PTPRK: variants seen among roughly 807,000 people sequenced by gnomAD.
The protein encoded by PTPRK is protein tyrosine phosphatase receptor type K.
Under a neutral mutation model 178.0 loss-of-function variants are expected in PTPRK, and 75 were observed. That is an observed-to-expected ratio of 0.42 (90% CI 0.35 to 0.51). The LOEUF (loss-of-function observed/expected upper bound fraction) is 0.51. Among genes scored for constraint, PTPRK ranks in the 20% least tolerant of loss-of-function variants. The pLI, the probability that PTPRK is intolerant of heterozygous loss-of-function variation, is 0.02. For synonymous variants in PTPRK, 637 were observed against 620.6 expected (o/e 1.03, Z -0.39); for missense variants, 1,441 against 1,797.8 (o/e 0.80, Z 3.59).
chr6:127,987,150 G>T (rs1290329271), intron 21 of PTPRK, among the ~76,000 whole-genome samples: 3 of 150,940 alleles, frequency 2.0e-5, no homozygotes, highest in Non-Finnish European at 4.4e-5. Context: ...TATAGGGTTT[G>T]CTCTTTTTAG....
chr6:128,337,201 TGTTAG>T (rs1056950033), intron 2 of PTPRK, among the ~76,000 whole-genome samples: 5 of 152,266 alleles, frequency 3.3e-5, no homozygotes, highest in African/African-American at 1.2e-4. Context: ...ACTTTGTATT[TGTTAG>T]AATGTGTAGA....
chr6:128,395,744 G>A (rs957812836), intron 2 of PTPRK, among the ~76,000 whole-genome samples: 1 of 152,066 alleles, frequency 6.6e-6, no homozygotes, highest in Non-Finnish European at 1.5e-5. Context: ...GACAAAGTAG[G>A]GGTCAAATAT....
intron 7 of PTPRK, among the ~76,000 whole-genome samples, chr6:128,163,152 G>T (rs1173959784): frequency 6.6e-6 from 1 of 151,112 alleles, no homozygotes; most frequent in Non-Finnish European, 1.5e-5. Flanking sequence ...GCTTAAATTA[G>T]TTAACAATTT....
intron 7 of PTPRK, among the ~76,000 whole-genome samples, chr6:128,109,890 GTA>G (rs1285335822): frequency 4.6e-5 from 7 of 151,982 alleles, no homozygotes; most frequent in Admixed American, 4.6e-4. Context: ...TAAAGCAAGT[GTA>G]TACACACTAC....
intron 3 of PTPRK, among the ~76,000 whole-genome samples, chr6:128,310,880 C>T (rs1827145621): frequency 6.6e-6 from 1 of 152,096 alleles, no homozygotes; most frequent in Non-Finnish European, 1.5e-5. Flanking sequence ...CGACTTGGAA[C>T]CACTTGGTAC....
chr6:128,076,277 T>C lies in PTPRK; in HGVS notation c.1883+2536A>G, dbSNP rs545067130. ...GCACTGGATCAGATAAGCCTCACGATAAGGCTACAGTTGCTGGTAGGGAGA... is the reference window on the plus strand; with the variant it reads ...GCACTGGATCAGATAAGCCTCACGACAAGGCTACAGTTGCTGGTAGGGAGA... On this transcript the variant is annotated intron_variant, in intron 11 of 29. Coordinates refer to ENST00000368226, the MANE Select transcript of PTPRK (RefSeq NM_002844.4). Among the ~76,000 whole-genome samples the C allele has an allele frequency of 1.9e-4, 29 of 152,106 alleles. 1 individual carries two copies. The highest frequency in any genetic ancestry group is 1.9e-3 in the South Asian group (9 of 4,826).
At chr6:128,090,481 A>C (rs1004792754) in intron 7 of PTPRK, among the ~76,000 whole-genome samples, 1 of 152,250 alleles carries the variant, frequency 6.6e-6, no homozygotes, top group Non-Finnish European at 1.5e-5. Flanking sequence ...GATATTAATT[A>C]ACATTAATTA....
intron 2 of PTPRK, among the ~76,000 whole-genome samples, chr6:128,380,573 T>G (rs1385055480): frequency 6.6e-6 from 1 of 151,454 alleles, no homozygotes; most frequent in Non-Finnish European, 1.5e-5. Flanking sequence ...TGTGTGTGTG[T>G]GTATGCAATA....
intron 27 of PTPRK, among the ~76,000 whole-genome samples, chr6:127,975,980 CT>C (rs566160993): frequency 7.4e-5 from 11 of 149,274 alleles, no homozygotes; most frequent in African/African-American, 7.4e-5. Flanking sequence ...TTTATTAGCA[CT>C]TTTTTTTTTA....
intron 7 of PTPRK, among the ~76,000 whole-genome samples, chr6:128,168,391 CAT>C (rs1005043815): frequency 2.4e-4 from 37 of 152,166 alleles, no homozygotes; most frequent in Middle Eastern, 3.4e-3. Flanking sequence ...GGATAACTAT[CAT>C]ATGACTCAGC....
At chr6:128,404,562 G>T (rs1361820846) in intron 1 of PTPRK, among the ~76,000 whole-genome samples, 2 of 152,140 alleles carry the variant, frequency 1.3e-5, no homozygotes, top group African/African-American at 4.8e-5. Context: ...AGGGGATCCC[G>T]AAGTGTGATC....
intron 7 of PTPRK, among the ~76,000 whole-genome samples, chr6:128,138,256 G>A (rs1182294994): frequency 5.3e-5 from 8 of 152,094 alleles, no homozygotes; most frequent in African/African-American, 1.9e-4. Flanking sequence ...GCCTAGTAGA[G>A]ATGGCTTTCT....
At chr6:128,385,082 TA>T (rs954142665) in intron 2 of PTPRK, among the ~76,000 whole-genome samples, 4 of 148,004 alleles carry the variant, frequency 2.7e-5, no homozygotes, top group African/African-American at 9.8e-5. Context: ...TATATTAATA[TA>T]ATTAATATTA....
At chr6:128,241,531 G>A (rs1421296358) in intron 4 of PTPRK, among the ~76,000 whole-genome samples, 10 of 152,198 alleles carry the variant, frequency 6.6e-5, no homozygotes, top group African/African-American at 2.2e-4. Flanking sequence ...GCTTCTCAGG[G>A]AGGATTGCTG....
Position 128,324,756 on chromosome 6 carries a change from T to C in PTPRK, c.224-2446A>G, listed in dbSNP as rs1414030306. On this transcript the variant is annotated intron_variant, in intron 2 of 29. Coordinates refer to ENST00000368226, the MANE Select transcript of PTPRK (RefSeq NM_002844.4). ...CTAGCACCAAAAAGCCATCTAAATC[T>C]TTCTGCCTACTGACTTGATATAACG... Among the ~76,000 whole-genome samples the C allele has an allele frequency of 4.6e-5, 7 of 152,232 alleles. No homozygotes were observed. In the East Asian group the frequency reaches 1.4e-3, roughly 29 times the overall value.
chr6:128,125,014 G>A (rs1793110255), intron 7 of PTPRK, among the ~76,000 whole-genome samples: 1 of 152,152 alleles, frequency 6.6e-6, no homozygotes, highest in African/African-American at 2.4e-5. Context: ...GCAGATTTTG[G>A]ATTTACCAGC....
intron 2 of PTPRK, among the ~76,000 whole-genome samples, chr6:128,392,459 AAAAAGC>A (rs1416893832): frequency 6.6e-6 from 1 of 152,244 alleles, no homozygotes; most frequent in African/African-American, 2.4e-5. Flanking sequence ...TGTTAAAAAT[AAAAAGC>A]AGTTATAATT....
chr6:128,184,168 G>A, intron 7 of PTPRK, among the ~76,000 whole-genome samples: 1 of 152,088 alleles, frequency 6.6e-6, no homozygotes, highest in East Asian at 1.9e-4. Flanking sequence ...GACTGAATAT[G>A]TAGCAGGCTC....
intron 3 of PTPRK, among the ~76,000 whole-genome samples, chr6:128,243,892 T>C (rs941358605): frequency 6.6e-6 from 1 of 152,064 alleles, no homozygotes; most frequent in African/African-American, 2.4e-5. Flanking sequence ...ATTGGTCTAA[T>C]AGAAACATAT....
Sources: gnomAD v4.1 joint callset for allele counts (sites outside exome capture counted in the v4.1 genomes callset) on GRCh38, gnomAD v4.1.1 for gene constraint, MANE v1.5 for transcripts, NCBI Gene and HGNC (gene_info 2026-07-23, HGNC 2026-07-21) for gene names.